LRRC4C: variants seen among roughly 807,000 people sequenced by gnomAD.
LRRC4C encodes leucine rich repeat containing 4C.
LRRC4C carries 5 observed loss-of-function variants against 33.6 expected under a neutral mutation model. The observed-to-expected ratio is 0.15, with a 90% CI of 0.08 to 0.31. The LOEUF is 0.31. Among genes scored for constraint, LRRC4C ranks in the 10% least tolerant of loss-of-function variants. The pLI, the probability that LRRC4C is intolerant of heterozygous loss-of-function variation, is 1.00. For missense variants in LRRC4C, 560 were observed against 796.7 expected, an observed-to-expected ratio of 0.70 and a Z score of 3.58; for synonymous variants, 329 against 302.0, an observed-to-expected ratio of 1.09 and a Z score of -0.93.
intron 2 of LRRC4C, among the ~76,000 whole-genome samples, chr11:40,696,746 G>GTGTGTA (rs1188034756): frequency 1.8e-5 from 1 of 54,420 alleles, no homozygotes; most frequent in Non-Finnish European, 4.1e-5. Flanking sequence ...TATATACACT[G>GTGTGTA]TGTATATATA....
intron 1 of LRRC4C, among the ~76,000 whole-genome samples, chr11:41,392,256 C>T (rs1396063423): frequency 1.3e-5 from 2 of 151,824 alleles, no homozygotes; most frequent in African/African-American, 4.8e-5. Flanking sequence ...ATGTAAGCCA[C>T]GTGGTGAATT....
intron 2 of LRRC4C, among the ~76,000 whole-genome samples, chr11:40,760,288 C>T (rs1331061456): frequency 6.6e-6 from 1 of 151,930 alleles, no homozygotes; most frequent in Non-Finnish European, 1.5e-5. Flanking sequence ...AAAACAACCA[C>T]ACTCATTCAT....
At chr11:40,821,763 C>T (rs1951938755) in intron 2 of LRRC4C, among the ~76,000 whole-genome samples, 1 of 151,544 alleles carries the variant, frequency 6.6e-6, no homozygotes, top group Non-Finnish European at 1.5e-5. Context: ...GACATGAGGA[C>T]TAAATGTAAC....
At chr11:40,398,243 T>G (rs992894885) in intron 3 of LRRC4C, among the ~76,000 whole-genome samples, 1 of 152,058 alleles carries the variant, frequency 6.6e-6, no homozygotes, top group Admixed American at 6.6e-5. Context: ...TGAAAAAATA[T>G]AAATACTATT....
intron 1 of LRRC4C, among the ~76,000 whole-genome samples, chr11:41,376,708 T>A (rs1245360742): frequency 2.0e-5 from 3 of 152,188 alleles, no homozygotes; most frequent in Non-Finnish European, 4.4e-5. Flanking sequence ...TATTTGTGTA[T>A]GTATAATATA....
chr11:41,298,492 G>A (rs1950202015), intron 1 of LRRC4C, among the ~76,000 whole-genome samples: 1 of 151,862 alleles, frequency 6.6e-6, no homozygotes, highest in African/African-American at 2.4e-5. Context: ...GAAAGAAACA[G>A]AATGGATATG....
chr11:40,565,736 G>T (rs1194665507), intron 3 of LRRC4C, among the ~76,000 whole-genome samples: 1 of 151,774 alleles, frequency 6.6e-6, no homozygotes, highest in African/African-American at 2.4e-5. Context: ...GCCATCTATT[G>T]CTTGGATTTC....
intron 1 of LRRC4C, among the ~76,000 whole-genome samples, chr11:41,019,816 CT>C (rs1855833451): frequency 6.6e-6 from 1 of 152,064 alleles, no homozygotes; most frequent in African/African-American, 2.4e-5. Context: ...ATATAAATGT[CT>C]ACCTTTGAGA....
intron 5 of LRRC4C, among the ~76,000 whole-genome samples, chr11:40,155,345 G>C (rs1858596407): frequency 6.6e-6 from 1 of 151,192 alleles, no homozygotes; most frequent in Admixed American, 6.6e-5. Flanking sequence ...CAGAAGGAAG[G>C]AAAAACCAAG....
chr11:40,394,234 T>G (rs1369038443), intron 3 of LRRC4C, among the ~76,000 whole-genome samples: 1 of 152,274 alleles, frequency 6.6e-6, no homozygotes, highest in East Asian at 1.9e-4. Context: ...GCTCAAAAAC[T>G]AAGGCACTCC....
At chr11:41,151,002 A>G in intron 1 of LRRC4C, among the ~76,000 whole-genome samples, 1 of 151,798 alleles carries the variant, frequency 6.6e-6, no homozygotes, top group East Asian at 1.9e-4. Flanking sequence ...ACTCCATTCC[A>G]CCTGCTCCCT....
chr11:40,238,053 T>A (rs756557701), intron 5 of LRRC4C, among the ~76,000 whole-genome samples: 3 of 152,200 alleles, frequency 2.0e-5, no homozygotes, highest in Admixed American at 2.0e-4. Context: ...CACTGCTTTG[T>A]TCAGTGGAAC....
intron 1 of LRRC4C, among the ~76,000 whole-genome samples, chr11:41,184,165 T>C (rs1017650812): frequency 3.3e-5 from 5 of 152,166 alleles, no homozygotes; most frequent in Admixed American, 6.5e-5. Flanking sequence ...CCTTGGAGAC[T>C]TTTTCCCCAT....
intron 1 of LRRC4C, among the ~76,000 whole-genome samples, chr11:41,277,097 C>G (rs985620572): frequency 7.2e-5 from 11 of 152,180 alleles, no homozygotes; most frequent in African/African-American, 2.7e-4. Flanking sequence ...TCCACAGCAT[C>G]TTACAAAAGG....
chr11:40,533,157 G>A (rs141001449), intron 3 of LRRC4C, among the ~76,000 whole-genome samples: 1,791 of 152,182 alleles, frequency 0.012, 11 homozygotes, highest in Middle Eastern at 0.041. Flanking sequence ...TCATTTTGGA[G>A]CTATTTTTCA....
At chr11:41,186,471 T>C (rs926183158) in intron 1 of LRRC4C, among the ~76,000 whole-genome samples, 1 of 152,208 alleles carries the variant, frequency 6.6e-6, no homozygotes, top group Admixed American at 6.5e-5. Flanking sequence ...GAAAGGAATT[T>C]AGAAAAATTA....
At chr11:40,194,479 A>T (rs1324122927) in intron 5 of LRRC4C, among the ~76,000 whole-genome samples, 1 of 152,164 alleles carries the variant, frequency 6.6e-6, no homozygotes, top group Non-Finnish European at 1.5e-5. Context: ...AGGGACATGG[A>T]TGAAGCTGGA....
At chr11:41,080,655 T>A (rs1182158879) in intron 1 of LRRC4C, among the ~76,000 whole-genome samples, 1 of 152,138 alleles carries the variant, frequency 6.6e-6, no homozygotes, top group Non-Finnish European at 1.5e-5. Context: ...CCCTGGCCTA[T>A]CAGAATCTTT....
chr11:40,575,130 T>C (rs1055928716), intron 3 of LRRC4C, among the ~76,000 whole-genome samples: 1 of 152,014 alleles, frequency 6.6e-6, no homozygotes, highest in African/African-American at 2.4e-5. Flanking sequence ...AGTACTATGA[T>C]AGAAAAAAGC....
Sources: gnomAD v4.1 joint callset for allele counts (sites outside exome capture counted in the v4.1 genomes callset) on GRCh38, gnomAD v4.1.1 for gene constraint, MANE v1.5 for transcripts, NCBI Gene and HGNC (gene_info 2026-07-23, HGNC 2026-07-21) for gene names.